C9orf78: variants seen among roughly 807,000 people sequenced by gnomAD.
C9orf78 encodes chromosome 9 open reading frame 78.
Under a neutral mutation model 37.4 loss-of-function variants are expected in C9orf78, and 19 were observed. The observed-to-expected ratio is 0.51, with a 90% CI of 0.35 to 0.74. The LOEUF is 0.74. Among genes scored for constraint, C9orf78 ranks in the 30% least tolerant of loss-of-function variants. The pLI is 0.01. For synonymous variants in C9orf78, 130 were observed against 128.0 expected, an observed-to-expected ratio of 1.02 and a Z score of -0.10; for missense variants, 291 against 370.8, an observed-to-expected ratio of 0.78 and a Z score of 1.77.
chr9:129,829,189 C>G lies in C9orf78; in HGVS notation c.778+16G>C, dbSNP rs777087140. 13 of 1,582,262 alleles carry G rather than the reference C, an allele frequency of 8.2e-6. No individual in the cohort carries two copies. Among genetic ancestry groups the G allele is most frequent in the Non-Finnish European group, 1.0e-5 (12 of 1,151,162 alleles). On this transcript the variant is annotated intron_variant, in intron 8 of 8. Transcript: ENST00000372447. ...CTGAGCACTCCAGGCAGCCCCGAGG[C>G]CTTTGTTGCACTCACGCTCAGGCTC...
At chr9:129,828,809 C>T (rs2031412232) in intron 8 of C9orf78, 2 of 338,952 alleles carry the variant, frequency 5.9e-6, no homozygotes, top group African/African-American at 2.1e-5. Context: ...TAGCTCACTG[C>T]AGCCTTGAAC....
chr9:129,830,677 A>C, intron 6 of C9orf78, 194 bp downstream of exon 6: 3 of 527,454 alleles, frequency 5.7e-6, no homozygotes, highest in Non-Finnish European at 6.9e-6. Context: ...ATGCCCAGCT[A>C]ATTTTTGTAT....
rs139810917 is a variant in C9orf78, at chr9:129,834,390, T to C, written c.143+317A>G. On this transcript the variant is annotated intron_variant, in intron 2 of 8. Transcript: ENST00000372447. ...GGATGGGAGAATTATGGGTGCTTTT[T>C]ATCGTCTTGACTATACTTTTCTAAA... 60 of 323,386 alleles carry C rather than the reference T, an allele frequency of 1.9e-4. No individual in the cohort carries two copies. The East Asian group carries it at 3.5e-3, about 19-fold the overall frequency. The allele number at this position is 323,386 out of a possible 1,614,324, so 20.0% of individuals were successfully genotyped here.
intron 2 of C9orf78, chr9:129,834,237 T>C (rs533230356): frequency 1.1e-3 from 205 of 178,804 alleles, no homozygotes; most frequent in Middle Eastern, 2.5e-3. Flanking sequence ...TAAAAGTACA[T>C]AGAAAGTTGT....
Position 129,833,773 on chromosome 9 carries a change from A to T in C9orf78, c.144-64T>A. The T allele has an allele frequency of 2.5e-6, 3 of 1,190,476 alleles. No individual in the cohort carries two copies. The South Asian group carries it at 3.8e-5, about 15-fold the overall frequency. The allele number at this position is 1,190,476 out of a possible 1,614,324, so 73.7% of individuals were successfully genotyped here. A position where few individuals can be genotyped will look rare whatever the true frequency, so the allele number is the denominator to read the frequency against. ...GAAATGGCATAATTCAGAGATAAGG[A>T]GGAACCCTCTCAGGTATGCGGATTG... On this transcript the variant is annotated intron_variant, in intron 2 of 8. Transcript: ENST00000372447.
Position 129,835,198 on chromosome 9 carries a change from G to GA in C9orf78, c.23dup (p.Arg9ProfsTer13), listed in dbSNP as rs758662635. ...ACTCCGAGTCGCCCCGGCGGCGACG[G>GA]AAAATCTTCCGGACGACCGGCATGG... On this transcript the variant is annotated frameshift_variant, in exon 1 of 9. Transcript: ENST00000372447. LOFTEE classifies it high-confidence loss of function. 1.9e-6 allele frequency: 3 copies of GA among 1,610,526 alleles called. No individual in the cohort carries two copies. The highest frequency in any genetic ancestry group is 2.3e-5 in the East Asian group (1 of 44,408).
At chr9:129,834,100 G>T in intron 2 of C9orf78, 1 of 233,318 alleles carries the variant, frequency 4.3e-6, no homozygotes, top group Non-Finnish European at 8.6e-6. Flanking sequence ...CAAAATAGGG[G>T]ATTTGTTAAC....
intron 6 of C9orf78, chr9:129,830,553 C>T (rs1171373448): frequency 6.5e-5 from 21 of 320,816 alleles, no homozygotes; most frequent in South Asian, 1.6e-4. Flanking sequence ...CTTGCTCTGT[C>T]GCCAGACTGG....
Position 129,828,195 on chromosome 9 carries a change from T to A in C9orf78, c.836A>T (p.Tyr279Phe). 2 of 1,606,646 alleles carry A rather than the reference T, an allele frequency of 1.2e-6. No homozygotes were observed. The highest frequency in any genetic ancestry group is 1.7e-6 in the Non-Finnish European group (2 of 1,174,042). ...ANEKATDDYH[Y>F]EKFKKMNRRY ...CCTATTCATTTTCTTGAACTTCTCATAATGATAGTCATCAGTTGCCTTCTC... is the reference window on the plus strand; with the variant it reads ...CCTATTCATTTTCTTGAACTTCTCAAAATGATAGTCATCAGTTGCCTTCTC... The change falls in exon 9 of 9, where the codon TAT becomes TTT. Residue 279 changes from tyrosine to phenylalanine, a missense_variant. Coordinates refer to ENST00000372447, the MANE Select transcript of C9orf78 (RefSeq NM_016520.3).
chr9:129,828,564 C>T (rs45441205), intron 8 of C9orf78: 57,332 of 244,656 alleles, frequency 0.23, 6,975 homozygotes, highest in South Asian at 0.26. Context: ...GCTGGGATTA[C>T]AGGCACCTGC....
chr9:129,833,994 T>G (rs903767806), intron 2 of C9orf78: 23 of 419,272 alleles, frequency 5.5e-5, no homozygotes, highest in African/African-American at 3.8e-4. Flanking sequence ...TTCTAAGATA[T>G]TCTCATCATG....
chr9:129,832,911 T>G (rs1051224887), intron 4 of C9orf78, among the ~76,000 whole-genome samples: 5 of 151,930 alleles, frequency 3.3e-5, no homozygotes, highest in African/African-American at 1.2e-4. Context: ...CACTTTAATT[T>G]CCTGAATAGC....
intron 6 of C9orf78, 133 bp from the exon 7 acceptor site, chr9:129,829,674 A>G: frequency 1.4e-6 from 1 of 732,820 alleles, no homozygotes; most frequent in Non-Finnish European, 2.3e-6. Flanking sequence ...CACTTTATCA[A>G]GCACACTTGT....
chr9:129,829,763 T>G lies in C9orf78; in HGVS notation c.543-222A>C. 4 of 468,654 alleles carry G rather than the reference T, an allele frequency of 8.5e-6. No homozygotes were observed. The South Asian group carries it at 1.5e-4, about 18-fold the overall frequency. 29.0% of individuals were successfully genotyped at this position (468,654 alleles called of 1,614,324 possible). A position where few individuals can be genotyped will look rare whatever the true frequency, so the allele number is the denominator to read the frequency against. ...TCTTCTGATCAAGAGCAAATTGAGC[T>G]TCAGAGAAGTAAAATGCTTAAGGCT... On this transcript the variant is annotated intron_variant, in intron 6 of 8. Coordinates refer to ENST00000372447, the MANE Select transcript of C9orf78 (RefSeq NM_016520.3).
At chr9:129,831,995 G>A (rs1177669583) in intron 4 of C9orf78, 22 bp from the exon 5 acceptor site, 4 of 1,211,594 alleles carry the variant, frequency 3.3e-6, no homozygotes, top group Non-Finnish European at 4.9e-6. Flanking sequence ...GAACAATGAG[G>A]CAGAGCTTTC....
chr9:129,832,389 A>G (rs1163534129), intron 4 of C9orf78, among the ~76,000 whole-genome samples: 1 of 152,220 alleles, frequency 6.6e-6, no homozygotes, highest in Non-Finnish European at 1.5e-5. Flanking sequence ...AGTTGTCACA[A>G]AAGTACACAG....
rs1323418224 is a variant in C9orf78, at chr9:129,833,467, C to T, written c.246G>A (p.Leu82=). The change falls in exon 4 of 9, where the codon CTG becomes CTA. Residue 82 remains leucine, a synonymous_variant. Coordinates refer to ENST00000372447, the MANE Select transcript of C9orf78 (RefSeq NM_016520.3). ...KTGGMVDMKK[L]KERGKDKISE... ...CTTACTTATCTTTGCCCCTTTCCTT[C>T]AGTTTCTTCATATCCACCATACCAC... 6.2e-7 allele frequency: 1 copy of T among 1,602,026 alleles called. No individual in the cohort carries two copies. The highest frequency in any genetic ancestry group is 1.1e-5 in the South Asian group (1 of 90,824).
In C9orf78 at chr9:129,827,467, C is replaced by A. The variant is rs558878189; in HGVS notation, c.*694G>T. On this transcript the variant is annotated 3_prime_UTR_variant, in exon 9 of 9. Coordinates refer to ENST00000372447, the MANE Select transcript of C9orf78 (RefSeq NM_016520.3). ...TGCATTTCTGACCCCATCCCAGACACGTGAAAGCAGAAGACATGATGCATC... is the reference window on the plus strand; with the variant it reads ...TGCATTTCTGACCCCATCCCAGACAAGTGAAAGCAGAAGACATGATGCATC... 2 of 151,844 alleles carry A rather than the reference C, an allele frequency of 1.3e-5. No individual in the cohort carries two copies. The highest frequency in any genetic ancestry group is 4.1e-4 in the South Asian group (2 of 4,822). The allele number at this position is 151,844 out of a possible 1,614,324, so 9.4% of individuals were successfully genotyped here.
chr9:129,835,114 T>G, intron 1 of C9orf78, 25 bp downstream of exon 1: 1 of 1,569,636 alleles, frequency 6.4e-7, no homozygotes, highest in Non-Finnish European at 8.8e-7. Flanking sequence ...TTACCAAGCC[T>G]ATGGGAGCCC....
Sources: allele counts gnomAD v4.1 joint callset (sites outside exome capture counted in the v4.1 genomes callset), GRCh38; gene constraint gnomAD v4.1.1; transcripts MANE v1.5; gene names NCBI Gene and HGNC (gene_info 2026-07-23, HGNC 2026-07-21).